Variants in USP54 observed in about 807,000 individuals in gnomAD.
The protein encoded by USP54 is ubiquitin carboxyl-terminal hydrolase 54.
In USP54, 87 loss-of-function variants were observed where a neutral mutation model predicts 170.5. The observed-to-expected ratio is 0.51, with a 90% CI of 0.43 to 0.61. USP54 has a LOEUF of 0.61. USP54 is among the 20% of genes least tolerant of loss of function. USP54 has a pLI of 0.00. For missense variants in USP54, 1,786 were observed against 2,047.8 expected, an observed-to-expected ratio of 0.87 and a Z score of 2.47; for synonymous variants, 655 against 742.8, an observed-to-expected ratio of 0.88 and a Z score of 1.92.
chr10:73,579,529 T>A (rs1328347422), intron 1 of USP54, among the ~76,000 whole-genome samples: 2 of 151,864 alleles, frequency 1.3e-5, no homozygotes, highest in African/African-American at 4.8e-5. Flanking sequence ...CTGAAGCAGG[T>A]GGATCACTTG....
intron 4 of USP54, among the ~76,000 whole-genome samples, chr10:73,553,552 C>T (rs933348836): frequency 2.0e-5 from 3 of 152,138 alleles, no homozygotes; most frequent in Non-Finnish European, 4.4e-5. Flanking sequence ...AGATCCTGTT[C>T]ACACCAAAGA....
intron 1 of USP54, 84 bp downstream of exon 1, chr10:73,591,194 T>C (rs1221310887): frequency 6.6e-6 from 1 of 152,244 alleles, no homozygotes; most frequent in Admixed American, 6.6e-5. Flanking sequence ...ATATTTTTTT[T>C]AAAAGAAAGA....
intron 17 of USP54, among the ~76,000 whole-genome samples, chr10:73,522,168 G>A (rs936562672): frequency 3.3e-5 from 5 of 152,196 alleles, no homozygotes; most frequent in African/African-American, 1.2e-4. Context: ...AATGGAAACA[G>A]CAGGTTGGTT....
At position 73,517,072 on chromosome 10, in the gene USP54, A is replaced by G; in HGVS notation, c.3354T>C (p.Tyr1118=). 2 of 1,614,224 alleles carry G rather than the reference A, an allele frequency of 1.2e-6. No homozygotes were observed. Among genetic ancestry groups the G allele is most frequent in the Non-Finnish European group, 1.7e-6 (2 of 1,180,040 alleles). Residue 1118 remains tyrosine (Y), a synonymous_variant, in exon 20 of 24, where the codon TAT becomes TAC. Transcript: ENST00000687698. ...CCTTTGTGCTGGGAAACTCTGGCCTATAGGTCTCCTCACTGCCTCTGTCCA... is the reference window on the plus strand; with the variant it reads ...CCTTTGTGCTGGGAAACTCTGGCCTGTAGGTCTCCTCACTGCCTCTGTCCA... ...LKVDRGSEET[Y]RPEFPSTKGL...
Position 73,571,137 on chromosome 10 carries a change from CAAAAAAAAAAAAAA to C in USP54, c.240+270_240+283del, listed in dbSNP as rs59126730. On this transcript the variant is annotated intron_variant, in intron 4 of 23. Coordinates refer to ENST00000687698, the MANE Select transcript of USP54 (RefSeq NM_001391956.1). ...TGGGTGACAGAGTGAGACTTCATCC[CAAAAAAAAAAAAAA>C]AAAAAAAAAAAAGGAGAAGCATACT... 9.9e-3 allele frequency among the ~76,000 whole-genome samples: 440 copies of C among 44,326 alleles called. 6 individuals carry two copies. Among genetic ancestry groups the C allele is most frequent in the Admixed American group, 0.027 (84 of 3,090 alleles). The allele number at this position is 44,326 out of a possible 152,430, so 29.1% of individuals were successfully genotyped here. A position where few individuals can be genotyped will look rare whatever the true frequency, so the allele number is the denominator to read the frequency against.
At chr10:73,570,990 T>A (rs576754720) in intron 4 of USP54, among the ~76,000 whole-genome samples, 6 of 151,636 alleles carry the variant, frequency 4.0e-5, no homozygotes, top group African/African-American at 1.2e-4. Flanking sequence ...ATACAAAAAT[T>A]AACCGAGCAT....
At chr10:73,566,031 G>A (rs1452134092) in intron 4 of USP54, among the ~76,000 whole-genome samples, 1 of 152,078 alleles carries the variant, frequency 6.6e-6, no homozygotes, top group African/African-American at 2.4e-5. Context: ...AGGAGTTCGA[G>A]ACCAGCCTGG....
rs200406306 is a variant in USP54, at chr10:73,541,633, T to C, written c.678A>G (p.Pro226=). 1.9e-5 allele frequency: 30 copies of C among 1,614,150 alleles called. No individual in the cohort carries two copies. The highest frequency in any genetic ancestry group is 2.5e-5 in the Non-Finnish European group (29 of 1,180,016). The change falls in exon 8 of 24, where the codon CCA becomes CCG. Residue 226 remains proline, a splice_region_variant and synonymous_variant. Transcript: ENST00000687698. The part of the protein sequence containing the change: ...ASTMGDLRNC[P]SNCGERIRIR... ...AAACCCCACCCCTGATTTAACTCAC[T>C]GGACAGTTCCGCAGATCCCCCATGG... is the stretch of plus-strand genomic sequence containing the variant.
rs2061235364 is a variant in USP54 at position 73,517,400 on chromosome 10, C to T, written c.3026G>A (p.Cys1009Tyr). The T allele has an allele frequency of 1.2e-6, 2 of 1,613,752 alleles. No homozygotes were observed. The highest frequency in any genetic ancestry group is 2.7e-5 in the African/African-American group (2 of 74,906). Residue 1009 changes from cysteine (C) to tyrosine (Y), a missense_variant, in exon 20 of 24, where the codon TGC (cysteine) becomes TAC (tyrosine). Physicochemically the swap from Cys to Tyr is radical, Grantham distance 194 (BLOSUM62 -2). This residue lies in a region of USP54 where 1,418 missense variants were observed against 1,569.0 expected (regional missense o/e 0.90). Transcript: ENST00000687698. ...TCCTTCTTGTGGAGGGAGCTTGCTG[C>T]AACTGCTGTTGTCACACCTAGAGCC... Reference protein sequence around the residue: ...LQGSRCDNSSCSKLPPQEGRG... With the variant: ...LQGSRCDNSSYSKLPPQEGRG...
intron 1 of USP54, among the ~76,000 whole-genome samples, chr10:73,582,273 G>A (rs2076985348): frequency 6.6e-6 from 1 of 152,176 alleles, no homozygotes; most frequent in Non-Finnish European, 1.5e-5. Flanking sequence ...TTCATTATGA[G>A]CAGAGCTAGA....
chr10:73,523,504 G>A (rs1045246528), intron 17 of USP54, 79 bp downstream of exon 17: 2 of 1,436,004 alleles, frequency 1.4e-6, no homozygotes, highest in Non-Finnish European at 9.3e-7. Flanking sequence ...AGAAGACAGG[G>A]AACTTACAAG....
In USP54 at chr10:73,606,175, CAAAAAAAAAA is replaced by C. The variant is rs1178699732; in HGVS notation, c.-18+19382_-18+19391del. ...CCTGGGCGACAGAGTGAGGCTGTCT[CAAAAAAAAAA>C]AAAAAAAAAAAAAAAAAATGAGAGT... is the stretch of plus-strand genomic sequence containing the variant. On this transcript the variant is annotated intron_variant, in intron 1 of 22. Coordinates refer to the USP54 transcript ENST00000339859. 2.7e-4 allele frequency among the ~76,000 whole-genome samples: 7 copies of C among 25,594 alleles called. No homozygotes were observed. The East Asian group carries it at 3.0e-3, about 11-fold the overall frequency. The allele number at this position is 25,594 out of a possible 152,430, so 16.8% of individuals were successfully genotyped here.
At position 73,516,418 on chromosome 10, in the gene USP54, T is replaced by C. The variant is rs2061101958; in HGVS notation, c.4008A>G (p.Gly1336=). The change falls in exon 20 of 24, where the codon GGA becomes GGG. Residue 1336 remains glycine (G), a synonymous_variant. Transcript: ENST00000687698. ...SLQASQAGCS[G]WGQQDTAWHP... ...GCCAGGCGGTATCCTGCTGCCCCCATCCAGAACAGCCAGCTTGAGAAGCCT... is the reference window on the plus strand; with the variant it reads ...GCCAGGCGGTATCCTGCTGCCCCCACCCAGAACAGCCAGCTTGAGAAGCCT... The C allele has an allele frequency of 1.9e-6, 3 of 1,613,652 alleles. No homozygotes were observed. The East Asian group carries it at 6.7e-5, about 36-fold the overall frequency.
At chr10:73,562,933 T>C (rs1459950454) in intron 4 of USP54, among the ~76,000 whole-genome samples, 3 of 152,294 alleles carry the variant, frequency 2.0e-5, no homozygotes, top group Admixed American at 6.5e-5. Flanking sequence ...GTTCTCATTA[T>C]TCCACATTTT....
At chr10:73,613,291 C>T (rs1159476541) in intron 1 of USP54, among the ~76,000 whole-genome samples, 1 of 151,554 alleles carries the variant, frequency 6.6e-6, no homozygotes, top group African/African-American at 2.4e-5. Flanking sequence ...GCCACCATGC[C>T]CAGCTAATTT....
rs543928285 is a variant in USP54 at position 73,529,360 on chromosome 10, G to A, written c.2060+320C>T. The A allele has an allele frequency of 6.6e-5, 24 of 363,616 alleles. No homozygotes were observed. The East Asian group carries it at 1.6e-3, about 24-fold the overall frequency. 22.5% of individuals were successfully genotyped at this position (363,616 alleles called of 1,614,324 possible). A position where few individuals can be genotyped will look rare whatever the true frequency, so the allele number is the denominator to read the frequency against. On this transcript the variant is annotated intron_variant, in intron 15 of 23. Transcript: ENST00000687698. ...TAATTAGTGAGTACTAGCTTAATATGTGGGTAACAAAATAATCTGTACAAT... is the reference window on the plus strand; with the variant it reads ...TAATTAGTGAGTACTAGCTTAATATATGGGTAACAAAATAATCTGTACAAT...
chr10:73,514,258 T>A (rs2060688861), intron 20 of USP54, among the ~76,000 whole-genome samples: 1 of 152,136 alleles, frequency 6.6e-6, no homozygotes, highest in Non-Finnish European at 1.5e-5. Flanking sequence ...CCTGGCCTTA[T>A]TATTCTTAAA....
chr10:73,510,269 A>T (rs2059988702), intron 20 of USP54, among the ~76,000 whole-genome samples: 1 of 151,884 alleles, frequency 6.6e-6, no homozygotes, highest in Non-Finnish European at 1.5e-5. Flanking sequence ...CGGGAGGCGG[A>T]GGTTGCAGTG....
At chr10:73,609,842 C>CAAA (rs879852354) in intron 1 of USP54, among the ~76,000 whole-genome samples, 78 of 63,872 alleles carry the variant, frequency 1.2e-3, no homozygotes, top group Non-Finnish European at 1.9e-3. Flanking sequence ...GATTCCGTCA[C>CAAA]AAAAAAAAAA....
Sources: gnomAD v4.1 joint callset for allele counts (sites outside exome capture counted in the v4.1 genomes callset) on GRCh38, gnomAD v4.1.1 for gene constraint, gnomAD v4.1.1 regional missense constraint, MANE v1.5 for transcripts, NCBI Gene and HGNC (gene_info 2026-07-23, HGNC 2026-07-21) for gene names.